The following GBE1 variants were observed in gnomAD, a reference collection of about 807,000 sequenced individuals.
GBE1 encodes the protein 1,4-alpha-glucan-branching enzyme.
A neutral mutation model predicts 88.8 loss-of-function variants in GBE1; 70 were observed. The ratio of observed to expected loss-of-function variants is 0.79; its 90% CI spans 0.65 to 0.96. The LOEUF (loss-of-function observed/expected upper bound fraction) is 0.96. Ranked by LOEUF, GBE1 falls within the 40% of genes least tolerant of loss-of-function variation. The pLI is 0.00. For missense variants in GBE1, 872 were observed against 871.0 expected, an observed-to-expected ratio of 1.00 and a Z score of -0.01; for synonymous variants, 284 against 300.1, an observed-to-expected ratio of 0.95 and a Z score of 0.56.
At chr3:81,747,625 AGT>A (rs1225706645) in intron 1 of GBE1, among the ~76,000 whole-genome samples, 1 of 152,244 alleles carries the variant, frequency 6.6e-6, no homozygotes, top group Non-Finnish European at 1.5e-5. Context: ...GATGGCCTGA[AGT>A]AACTGAAGAA....
chr3:81,748,378 G>A (rs757572947), intron 1 of GBE1, among the ~76,000 whole-genome samples: 6 of 152,098 alleles, frequency 3.9e-5, no homozygotes, highest in African/African-American at 7.2e-5. Flanking sequence ...TTGGAAGGCC[G>A]AGGAGGGCGG....
At chr3:81,747,459 T>A (rs1706432253) in intron 1 of GBE1, among the ~76,000 whole-genome samples, 1 of 152,152 alleles carries the variant, frequency 6.6e-6, no homozygotes, top group South Asian at 2.1e-4. Context: ...GGCAGGCTGG[T>A]CATTTGAGGT....
intron 12 of GBE1, among the ~76,000 whole-genome samples, chr3:81,547,625 TTCTCTCTCTC>T (rs56681369): frequency 0.035 from 4,896 of 138,316 alleles, 238 homozygotes; most frequent in African/African-American, 0.099. Context: ...GGTTCGTTTG[TTCTCTCTCTC>T]TCTCTCTCTC....
chr3:81,761,259 C>A, intron 1 of GBE1, 116 bp downstream of exon 1: 1 of 1,364,820 alleles, frequency 7.3e-7, no homozygotes, highest in Non-Finnish European at 9.9e-7. Flanking sequence ...CACTCAGGTT[C>A]CTCCCCGCCT....
chr3:81,493,071 C>T (rs1021362688), intron 15 of GBE1, among the ~76,000 whole-genome samples: 1 of 152,120 alleles, frequency 6.6e-6, no homozygotes, highest in African/African-American at 2.4e-5. Flanking sequence ...ATCACAGTAA[C>T]TGGATTTAAC....
chr3:81,671,042 C>T (rs1705182012), intron 2 of GBE1, 89 bp from the exon 3 acceptor site: 3 of 535,830 alleles, frequency 5.6e-6, no homozygotes, highest in Non-Finnish European at 9.5e-6. Flanking sequence ...GCTTTACTTG[C>T]ACAAAAAATC....
chr3:81,669,220 G>A (rs1447072138), intron 3 of GBE1, among the ~76,000 whole-genome samples: 1 of 152,070 alleles, frequency 6.6e-6, no homozygotes, highest in Non-Finnish European at 1.5e-5. Flanking sequence ...GTGCCAAGGA[G>A]CTGTTTGCTA....
intron 1 of GBE1, among the ~76,000 whole-genome samples, chr3:81,752,117 T>G (rs371432662): frequency 6.6e-5 from 10 of 152,224 alleles, no homozygotes; most frequent in Admixed American, 5.2e-4. Context: ...CATATGAATA[T>G]TCTATTCATT....
intron 7 of GBE1, among the ~76,000 whole-genome samples, chr3:81,629,192 CCA>C (rs1427815967): frequency 8.9e-6 from 1 of 112,924 alleles, no homozygotes; most frequent in African/African-American, 3.5e-5. Flanking sequence ...CCCGACCCCA[CCA>C]CAGTCCCCAG....
chr3:81,586,095 A>C lies in GBE1; in HGVS notation c.1332T>G (p.Ile444Met). The part of the protein sequence containing the change: ...RLAMAIPDKW[I>M]QLLKEFKDED... ...AAATATTTACATGGACTCTTACCTGAATCCACTTATCTGGAATTGCCATGG... is the reference window on the plus strand; with the variant it reads ...AAATATTTACATGGACTCTTACCTGCATCCACTTATCTGGAATTGCCATGG... The change falls in exon 10 of 16, where the codon ATT becomes ATG. Residue 444 changes from isoleucine to methionine, a missense_variant. Physicochemically the swap from Ile to Met is conservative, Grantham distance 10. Transcript: ENST00000429644. The C allele has an allele frequency of 6.3e-7, 1 of 1,593,762 alleles. No homozygotes were observed. The highest frequency in any genetic ancestry group is 8.6e-7 in the Non-Finnish European group (1 of 1,165,376).
At chr3:81,641,760 G>C (rs144354514) in intron 7 of GBE1, among the ~76,000 whole-genome samples, 92 of 151,650 alleles carry the variant, frequency 6.1e-4, no homozygotes, top group Middle Eastern at 6.8e-3. Flanking sequence ...TCTAATTTAG[G>C]TTGAAAAATG....
At chr3:81,750,527 ATATATATATACGTATATATATATG>A (rs1559708262) in intron 1 of GBE1, among the ~76,000 whole-genome samples, 10 of 81,004 alleles carry the variant, frequency 1.2e-4, no homozygotes, top group East Asian at 2.5e-3. Context: ...AAACATTCAT[ATATATATATACGTATATATATATG>A]TATATATATA....
intron 7 of GBE1, among the ~76,000 whole-genome samples, chr3:81,632,183 C>T (rs1003513332): frequency 2.0e-4 from 30 of 152,246 alleles, no homozygotes; most frequent in African/African-American, 7.0e-4. Flanking sequence ...TGTACATGTG[C>T]CACATTTTCT....
chr3:81,559,102 T>C (rs1443564776), intron 12 of GBE1, among the ~76,000 whole-genome samples: 1 of 152,028 alleles, frequency 6.6e-6, no homozygotes, highest in Non-Finnish European at 1.5e-5. Flanking sequence ...TCTTAACTTT[T>C]AGCTACTCGA....
chr3:81,572,282 A>G (rs559360857), intron 12 of GBE1, among the ~76,000 whole-genome samples: 6 of 152,288 alleles, frequency 3.9e-5, no homozygotes, highest in Admixed American at 3.3e-4. Flanking sequence ...AGTCTCAGGC[A>G]GTTCTTTACA....
chr3:81,667,174 T>C lies in GBE1; in HGVS notation c.429+3664A>G, dbSNP rs1395763634. Among the ~76,000 whole-genome samples the C allele has an allele frequency of 2.0e-5, 3 of 152,208 alleles. No homozygotes were observed. The East Asian group carries it at 5.8e-4, about 29-fold the overall frequency. ...GAGGTCCTTCACATCCCTTGTTAAC[T>C]GTATTTCTAGGTATTTTATTCTCTT... On this transcript the variant is annotated intron_variant, in intron 3 of 15. Transcript: ENST00000429644.
intron 1 of GBE1, among the ~76,000 whole-genome samples, chr3:81,742,593 G>A (rs889955447): frequency 1.8e-4 from 27 of 152,066 alleles, no homozygotes; most frequent in Non-Finnish European, 2.6e-4. Flanking sequence ...AATCCACATC[G>A]AATTTTAACA....
intron 2 of GBE1, among the ~76,000 whole-genome samples, chr3:81,690,922 T>C (rs1705510274): frequency 6.6e-6 from 1 of 151,900 alleles, no homozygotes; most frequent in Non-Finnish European, 1.5e-5. Flanking sequence ...AAAGCAAAAA[T>C]GAATTAGTAA....
intron 7 of GBE1, among the ~76,000 whole-genome samples, chr3:81,631,299 G>A (rs1228112596): frequency 6.6e-6 from 1 of 152,142 alleles, no homozygotes; most frequent in Non-Finnish European, 1.5e-5. Flanking sequence ...TTGGCACCTG[G>A]ACACTTAAAA....
Sources: gnomAD v4.1 joint callset for allele counts (sites outside exome capture counted in the v4.1 genomes callset) on GRCh38, gnomAD v4.1.1 for gene constraint, MANE v1.5 for transcripts, NCBI Gene and HGNC (gene_info 2026-07-23, HGNC 2026-07-21) for gene names.